Variants in ZC3H13 observed in about 807,000 individuals in gnomAD.
ZC3H13 encodes the protein zinc finger CCCH domain-containing protein 13.
Under a neutral mutation model 204.1 loss-of-function variants are expected in ZC3H13, and 64 were observed. That is an observed-to-expected ratio of 0.31 (90% confidence interval 0.26 to 0.39). The LOEUF (loss-of-function observed/expected upper bound fraction) is 0.39. Among genes scored for constraint, ZC3H13 ranks in the 10% least tolerant of loss-of-function variants. The pLI is 1.00. For missense variants in ZC3H13, 1,833 were observed against 2,082.7 expected, an observed-to-expected ratio of 0.88 and a Z score of 2.33; for synonymous variants, 667 against 693.7, an observed-to-expected ratio of 0.96 and a Z score of 0.60.
chr13:45,962,206 C>T (rs1951740351), intron 17 of ZC3H13: 1 of 985,308 alleles, frequency 1.0e-6, no homozygotes, highest in African/African-American at 1.7e-5. Context: ...AGTCTTTATT[C>T]AAGATAATAC....
chr13:45,965,189 T>G (rs1347763644), intron 16 of ZC3H13, 91 bp downstream of exon 16: 2 of 1,450,786 alleles, frequency 1.4e-6, no homozygotes, highest in Non-Finnish European at 9.2e-7. Flanking sequence ...TCTAAGTGTC[T>G]TAGGTCAATT....
chr13:45,980,625 G>C (rs1413816667), intron 10 of ZC3H13, among the ~76,000 whole-genome samples: 7 of 152,116 alleles, frequency 4.6e-5, no homozygotes, highest in Non-Finnish European at 1.0e-4. Context: ...CAACAACTTG[G>C]ATGAACCCCA....
rs555706205 is a variant in ZC3H13, at chr13:46,045,723, A to AC, written c.-9-208dup. On this transcript the variant is annotated intron_variant, in intron 1 of 18. Transcript: ENST00000679008. The stretch of plus-strand genomic sequence containing the variant: ...AACATGCCTTACTGGTGAATTTATA[A>AC]CAGCTGTGAGATCTGTTGGCTAGAA... 5.9e-5 allele frequency among the ~76,000 whole-genome samples: 9 copies of AC among 152,296 alleles called. No homozygotes were observed. The South Asian group carries it at 1.9e-3, about 32-fold the overall frequency.
intron 8 of ZC3H13, among the ~76,000 whole-genome samples, chr13:45,997,268 A>C (rs9595407): frequency 0.013 from 2,035 of 152,332 alleles, 49 homozygotes; most frequent in African/African-American, 0.047. Context: ...TAAACTTACA[A>C]ATACTCTGGG....
At chr13:46,017,104 C>T (rs1288552039) in intron 5 of ZC3H13, among the ~76,000 whole-genome samples, 1 of 151,978 alleles carries the variant, frequency 6.6e-6, no homozygotes, top group East Asian at 1.9e-4. Context: ...GGAGTCACTA[C>T]ACGTACGACG....
intron 5 of ZC3H13, among the ~76,000 whole-genome samples, chr13:46,018,305 G>C (rs1377486315): frequency 6.6e-6 from 1 of 152,124 alleles, no homozygotes; most frequent in Admixed American, 6.6e-5. Flanking sequence ...TGAATAATAA[G>C]TATCAGGTGA....
intron 4 of ZC3H13, among the ~76,000 whole-genome samples, chr13:46,041,410 G>GGGCT (rs762551192): frequency 6.6e-6 from 1 of 152,202 alleles, no homozygotes; most frequent in Non-Finnish European, 1.5e-5. Flanking sequence ...TGGTTGCCTA[G>GGGCT]GGCTGGTGGC....
chr13:45,962,484 TCA>T, intron 17 of ZC3H13: 1 of 983,864 alleles, frequency 1.0e-6, no homozygotes, highest in Middle Eastern at 5.2e-4. Context: ...AAATTGAGGC[TCA>T]CAGGAGTTAT....
chr13:46,045,114 A>T, intron 2 of ZC3H13, 50 bp from the exon 3 acceptor site: 1 of 1,510,058 alleles, frequency 6.6e-7, no homozygotes, highest in African/African-American at 1.4e-5. Context: ...TCTGGAAAAA[A>T]AAAATGCTAG....
intron 4 of ZC3H13, among the ~76,000 whole-genome samples, chr13:46,028,182 T>C (rs757104648): frequency 6.6e-6 from 1 of 152,148 alleles, no homozygotes; most frequent in Non-Finnish European, 1.5e-5. Flanking sequence ...GTAGGTATAT[T>C]AATTTCAGAC....
At chr13:46,018,532 G>A (rs1446076410) in intron 5 of ZC3H13, among the ~76,000 whole-genome samples, 1 of 152,104 alleles carries the variant, frequency 6.6e-6, no homozygotes, top group East Asian at 1.9e-4. Flanking sequence ...TTATACAGCA[G>A]GAAGGAGGCC....
chr13:46,029,137 T>C (rs1190354066), intron 4 of ZC3H13, among the ~76,000 whole-genome samples: 1 of 152,116 alleles, frequency 6.6e-6, no homozygotes, highest in African/African-American at 2.4e-5. Context: ...ACAAATCCCA[T>C]GAACATTAAA....
intron 5 of ZC3H13, among the ~76,000 whole-genome samples, chr13:46,011,768 G>C (rs1399231815): frequency 6.6e-6 from 1 of 152,220 alleles, no homozygotes; most frequent in East Asian, 1.9e-4. Context: ...CAAATATTTT[G>C]GAAGTTTCTG....
rs1007749580 is a variant in ZC3H13, at chr13:46,052,680, A to C, written c.-286T>G. On this transcript the variant is annotated 5_prime_UTR_variant, in exon 1 of 19. Coordinates refer to ENST00000679008, the MANE Select transcript of ZC3H13 (RefSeq NM_001330564.2). ...AACGAAGAGATTGTAGATTAAGAAA[A>C]GGCAACAAAAACACTACCAGGCCGC... 45 of 398,810 alleles carry C rather than the reference A, an allele frequency of 1.1e-4. No homozygotes were observed. Among genetic ancestry groups the C allele is most frequent in the African/African-American group, 8.8e-4 (43 of 48,756 alleles). 24.7% of individuals were successfully genotyped at this position (398,810 alleles called of 1,614,324 possible).
At chr13:46,007,174 C>T (rs925863505) in intron 7 of ZC3H13, among the ~76,000 whole-genome samples, 3 of 152,038 alleles carry the variant, frequency 2.0e-5, no homozygotes, top group Non-Finnish European at 4.4e-5. Flanking sequence ...AACTTTTCTT[C>T]TGAGCACAGT....
chr13:46,047,181 C>G (rs1328613318), intron 1 of ZC3H13, among the ~76,000 whole-genome samples: 1 of 151,884 alleles, frequency 6.6e-6, no homozygotes, highest in Non-Finnish European at 1.5e-5. Flanking sequence ...TAAAAGAATC[C>G]AAAGACTAAG....
chr13:45,996,034 A>T (rs1248904766), intron 8 of ZC3H13, among the ~76,000 whole-genome samples: 1 of 152,214 alleles, frequency 6.6e-6, no homozygotes, highest in African/African-American at 2.4e-5. Context: ...TCATACTGAA[A>T]CCAAAATATC....
At chr13:46,047,433 T>C (rs1312969851) in intron 1 of ZC3H13, among the ~76,000 whole-genome samples, 1 of 152,206 alleles carries the variant, frequency 6.6e-6, no homozygotes, top group East Asian at 1.9e-4. Flanking sequence ...ATCAATTAAA[T>C]ATTAATTGTT....
intron 1 of ZC3H13, among the ~76,000 whole-genome samples, chr13:46,052,147 A>C (rs768693222): frequency 7.9e-5 from 12 of 152,116 alleles, no homozygotes; most frequent in Non-Finnish European, 7.4e-5. Context: ...TCCCGTGCTT[A>C]CATCAAATGG....
Sources: allele counts gnomAD v4.1 joint callset (sites outside exome capture counted in the v4.1 genomes callset), GRCh38; gene constraint gnomAD v4.1.1; transcripts MANE v1.5; gene names NCBI Gene and HGNC (gene_info 2026-07-23, HGNC 2026-07-21).